ZGRF1: variants seen among roughly 807,000 people sequenced by gnomAD.
The protein encoded by ZGRF1 is 5'-3' DNA helicase ZGRF1.
ZGRF1 carries 196 observed loss-of-function variants against 203.5 expected under a neutral mutation model. That is an observed-to-expected ratio of 0.96 (90% CI 0.86 to 1.08). The LOEUF (loss-of-function observed/expected upper bound fraction) is 1.08. ZGRF1 is among the 50% of genes least tolerant of loss of function. ZGRF1 has a pLI of 0.00. For synonymous variants in ZGRF1, 809 were observed against 841.3 expected (o/e 0.96, Z 0.66); for missense variants, 2,326 against 2,416.3 (o/e 0.96, Z 0.78).
At chr4:112,615,127 C>T (rs567472705) in intron 6 of ZGRF1, among the ~76,000 whole-genome samples, 1 of 152,262 alleles carries the variant, frequency 6.6e-6, no homozygotes, top group South Asian at 2.1e-4. Context: ...TTTACTATTA[C>T]TAGTTATGTG....
intron 22 of ZGRF1, among the ~76,000 whole-genome samples, chr4:112,549,584 C>T (rs1739499328): frequency 1.3e-5 from 2 of 152,156 alleles, no homozygotes; most frequent in South Asian, 4.1e-4. Context: ...ACAACCCTCA[C>T]AGCACAATGC....
Position 112,577,840 on chromosome 4 carries a change from A to C in ZGRF1, c.4438+3823T>G, listed in dbSNP as rs1745512746. On this transcript the variant is annotated intron_variant, in intron 16 of 27. Coordinates refer to ENST00000505019, the MANE Select transcript of ZGRF1 (RefSeq NM_018392.5). Reference sequence around the variant, plus strand: ...CCACACAATAATAATGGGAGACTTTAACACCCCACTGTCAACATTAGACAG... The same window carrying C: ...CCACACAATAATAATGGGAGACTTTCACACCCCACTGTCAACATTAGACAG... Among the ~76,000 whole-genome samples the C allele has an allele frequency of 2.5e-5, 3 of 122,104 alleles. 1 individual carries two copies. The highest frequency in any genetic ancestry group is 5.5e-5 in the Non-Finnish European group (3 of 54,792). 80.1% of individuals were successfully genotyped at this position (122,104 alleles called of 152,430 possible). A position where few individuals can be genotyped will look rare whatever the true frequency, so the allele number is the denominator to read the frequency against.
rs932004982 is a variant in ZGRF1, at chr4:112,541,245, T to C, written c.5622A>G (p.Arg1874=). Residue 1874 remains arginine (R), a synonymous_variant, in exon 25 of 28, where the codon AGA becomes AGG. Transcript: ENST00000505019. ...CLMGHKPILL[R]TQYRCHPAIS... is the part of the protein sequence containing the mutation. ...TTGCAGGATGACAACGGTATTGAGT[T>C]CTCAATAGAATTGGCTTGTGACCCT... is the stretch of plus-strand genomic sequence containing the variant. 1.3e-6 allele frequency: 2 copies of C among 1,583,522 alleles called. No homozygotes were observed. The highest frequency in any genetic ancestry group is 2.7e-5 in the African/African-American group (2 of 74,412).
chr4:112,558,247 A>G lies in ZGRF1; in HGVS notation c.5023T>C (p.Phe1675Leu), dbSNP rs769026411. Residue 1675 changes from phenylalanine (F) to leucine (L), a missense_variant, in exon 20 of 28, where the codon TTT becomes CTT. Phe to Leu is a conservative substitution (Grantham distance 22). Transcript: ENST00000505019. ...AVVILFFVQL[F>L]EKSEAPTIGN... ...ATGGTGGGAGCTTCACTCTTTTCAAACAGCTGTACAAAGAACAAAATCACC... is the reference window on the plus strand; with the variant it reads ...ATGGTGGGAGCTTCACTCTTTTCAAGCAGCTGTACAAAGAACAAAATCACC... 6.2e-7 allele frequency: 1 copy of G among 1,604,584 alleles called. No homozygotes were observed. The highest frequency in any genetic ancestry group is 1.7e-5 in the Admixed American group (1 of 58,532).
At chr4:112,592,089 A>G (rs1300025949) in intron 10 of ZGRF1, among the ~76,000 whole-genome samples, 2 of 146,066 alleles carry the variant, frequency 1.4e-5, no homozygotes, top group East Asian at 4.0e-4. Flanking sequence ...CTTACCTCTC[A>G]TTCATTCTTT....
At chr4:112,636,161 C>G (rs2047622452) in intron 1 of ZGRF1, among the ~76,000 whole-genome samples, 1 of 152,136 alleles carries the variant, frequency 6.6e-6, no homozygotes, top group African/African-American at 2.4e-5. Flanking sequence ...AGACAATTCA[C>G]CTGTTGACCG....
rs758586901 is a variant in ZGRF1, at chr4:112,589,682, T to G, written c.3127+42A>C. On this transcript the variant is annotated intron_variant, in intron 11 of 27. Transcript: ENST00000505019. ...ATCTCTCAAATAAAAAACTTCATCT[T>G]AAATGAATAGACAGATATTAGAGCA... The G allele has an allele frequency of 5.1e-6, 8 of 1,570,306 alleles. No individual in the cohort carries two copies. In the African/African-American group the frequency reaches 9.5e-5, roughly 19 times the overall value.
In ZGRF1 at chr4:112,548,350, AGGC is replaced by A; in HGVS notation, c.5374_5376del (p.Ala1792del). 6.4e-7 allele frequency: 1 copy of A among 1,555,196 alleles called. No homozygotes were observed. The highest frequency in any genetic ancestry group is 8.7e-7 in the Non-Finnish European group (1 of 1,148,604). On this transcript the variant is annotated inframe_deletion, in exon 23 of 28. Transcript: ENST00000505019. ...AGATCATTCATGCATGGGAATGGGC[AGGC>A]TGCACAGGTAACTCCAACTACTCGA...
intron 21 of ZGRF1, 60 bp downstream of exon 21, chr4:112,554,645 T>C (rs971755213): frequency 5.0e-6 from 4 of 795,068 alleles, no homozygotes; most frequent in South Asian, 1.6e-5. Context: ...GTAAGAGTGA[T>C]ATAAAAGTAC....
At chr4:112,582,538 C>T (rs1746447252) in intron 15 of ZGRF1, among the ~76,000 whole-genome samples, 1 of 152,046 alleles carries the variant, frequency 6.6e-6, no homozygotes, top group Admixed American at 6.6e-5. Flanking sequence ...CTGCAACCTC[C>T]ACCTCCTTGG....
At chr4:112,580,878 C>T (rs1410994783) in intron 16 of ZGRF1, among the ~76,000 whole-genome samples, 1 of 152,072 alleles carries the variant, frequency 6.6e-6, no homozygotes, top group Non-Finnish European at 1.5e-5. Context: ...GGTGATTCCT[C>T]AGGGATCTAG....
intron 16 of ZGRF1, among the ~76,000 whole-genome samples, chr4:112,576,535 A>G (rs937997355): frequency 7.2e-5 from 11 of 152,172 alleles, no homozygotes; most frequent in African/African-American, 2.7e-4. Flanking sequence ...CTTGAAAAAA[A>G]ATTAGACGAA....
intron 24 of ZGRF1, among the ~76,000 whole-genome samples, chr4:112,545,704 G>A (rs1029628464): frequency 2.0e-5 from 3 of 152,112 alleles, no homozygotes; most frequent in African/African-American, 7.2e-5. Context: ...TTTCACAAGA[G>A]CCAAAACGTG....
intron 7 of ZGRF1, among the ~76,000 whole-genome samples, chr4:112,612,150 G>C (rs1478833775): frequency 6.6e-6 from 1 of 152,106 alleles, no homozygotes; most frequent in African/African-American, 2.4e-5. Context: ...GTTTTTAGTA[G>C]AGATGGGGTT....
chr4:112,630,767 G>A (rs538378249), intron 3 of ZGRF1, among the ~76,000 whole-genome samples: 6 of 152,004 alleles, frequency 3.9e-5, no homozygotes, highest in African/African-American at 1.4e-4. Flanking sequence ...GGTGGCACCT[G>A]TAGTCCCAGC....
chr4:112,619,595 A>G lies in ZGRF1; in HGVS notation c.447T>C (p.Thr149=). 1 of 1,614,116 alleles carries G rather than the reference A, an allele frequency of 6.2e-7. No individual in the cohort carries two copies. The highest frequency in any genetic ancestry group is 1.7e-4 in the Middle Eastern group (1 of 6,060). The change falls in exon 6 of 28, where the codon ACT becomes ACC. Residue 149 remains threonine (T), a synonymous_variant. Coordinates refer to ENST00000505019, the MANE Select transcript of ZGRF1 (RefSeq NM_018392.5). ...GCATGCTGCAGAATGGAGAAAAAAT[A>G]GTAGGGCCAGTTTTCTTAGCCTCAT... The part of the protein sequence containing the change: ...ASHEAKKTGP[T]IFSPFCSMPP...
intron 20 of ZGRF1, among the ~76,000 whole-genome samples, chr4:112,557,401 C>T (rs1741136443): frequency 6.6e-6 from 1 of 152,168 alleles, no homozygotes; most frequent in Non-Finnish European, 1.5e-5. Context: ...TGTTGAACTT[C>T]TGACATCAAG....
At chr4:112,604,373 CAACTATGCATTA>C (rs747426911) in intron 9 of ZGRF1, among the ~76,000 whole-genome samples, 3 of 152,020 alleles carry the variant, frequency 2.0e-5, no homozygotes, top group Non-Finnish European at 4.4e-5. Flanking sequence ...ATATATTATA[CAACTATGCATTA>C]CATACAATAC....
chr4:112,631,859 G>A, intron 3 of ZGRF1, 71 bp downstream of exon 3: 1 of 727,170 alleles, frequency 1.4e-6, no homozygotes, highest in Non-Finnish European at 2.2e-6. Flanking sequence ...ATCATGTACA[G>A]TTTTTTAAAT....
Sources: allele counts gnomAD v4.1 joint callset (sites outside exome capture counted in the v4.1 genomes callset), GRCh38; gene constraint gnomAD v4.1.1; transcripts MANE v1.5; gene names NCBI Gene and HGNC (gene_info 2026-07-23, HGNC 2026-07-21).